Variants in DCDC2 observed in about 807,000 individuals in gnomAD.
DCDC2 encodes doublecortin domain-containing protein 2.
In DCDC2, 40 loss-of-function variants were observed where a neutral mutation model predicts 50.2. The observed-to-expected ratio is 0.80, with a 90% confidence interval of 0.62 to 1.04. The LOEUF (loss-of-function observed/expected upper bound fraction) is 1.04, where lower values mean the gene tolerates loss of function less well. Ranked by LOEUF, DCDC2 falls within the 50% of genes least tolerant of loss-of-function variation. DCDC2 has a pLI of 0.00. For synonymous variants in DCDC2, 234 were observed against 210.6 expected (o/e 1.11, Z -0.96); for missense variants, 570 against 581.9 (o/e 0.98, Z 0.21).
intron 7 of DCDC2, among the ~76,000 whole-genome samples, chr6:24,276,517 A>G (rs1006214299): frequency 1.3e-5 from 2 of 152,162 alleles, no homozygotes; most frequent in African/African-American, 4.8e-5. Context: ...CATTCACTCA[A>G]CATAATTATT....
chr6:24,299,625 T>C (rs1320238524), intron 4 of DCDC2, among the ~76,000 whole-genome samples: 1 of 152,214 alleles, frequency 6.6e-6, no homozygotes, highest in Non-Finnish European at 1.5e-5. Context: ...TAAAATAGAA[T>C]ACTTTGGGCC....
intron 2 of DCDC2, among the ~76,000 whole-genome samples, chr6:24,302,335 A>G (rs777628032): frequency 2.6e-5 from 4 of 151,704 alleles, no homozygotes; most frequent in African/African-American, 4.8e-5. Context: ...TTACGAAAAT[A>G]TTAAGATAAT....
intron 2 of DCDC2, among the ~76,000 whole-genome samples, chr6:24,303,127 C>A (rs1272896780): frequency 6.6e-6 from 1 of 151,884 alleles, no homozygotes; most frequent in Non-Finnish European, 1.5e-5. Context: ...CTACCTGGTG[C>A]CTTTAATTTT....
intron 7 of DCDC2, among the ~76,000 whole-genome samples, chr6:24,209,077 GA>G (rs1761796694): frequency 6.6e-6 from 1 of 152,134 alleles, no homozygotes; most frequent in Non-Finnish European, 1.5e-5. Context: ...AAAAGAATCC[GA>G]ATGATATAAT....
the DCDC2 span, among the ~76,000 whole-genome samples, chr6:24,381,692 T>G: frequency 6.6e-6 from 1 of 151,880 alleles, no homozygotes; most frequent in African/African-American, 2.4e-5. Flanking sequence ...TGCCTGTAAT[T>G]CCAGCAGTTT....
chr6:24,195,359 C>T (rs1761409552), intron 8 of DCDC2, among the ~76,000 whole-genome samples: 2 of 152,238 alleles, frequency 1.3e-5, no homozygotes, highest in South Asian at 4.1e-4. Flanking sequence ...AACCCAAACT[C>T]TTTTTTTCAA....
Position 24,343,133 on chromosome 6 carries a change from C to T in DCDC2, c.348+10436G>A, listed in dbSNP as rs150942577. The stretch of plus-strand genomic sequence containing the variant: ...TGTGATCTCAGCTCACTGCAAGCTC[C>T]GTCTCCCGGGTTCACACCATTCTCC... On this transcript the variant is annotated intron_variant, in intron 2 of 9. Coordinates refer to ENST00000378454, the MANE Select transcript of DCDC2 (RefSeq NM_016356.5). Among the ~76,000 whole-genome samples the T allele has an allele frequency of 2.1e-3, 315 of 151,452 alleles. 2 individuals are homozygous for T. The highest frequency in any genetic ancestry group is 7.2e-3 in the African/African-American group (295 of 41,202).
At chr6:24,224,570 GCTCAAAA>G (rs991494403) in intron 7 of DCDC2, among the ~76,000 whole-genome samples, 15 of 152,304 alleles carry the variant, frequency 9.8e-5, no homozygotes, top group Middle Eastern at 3.4e-3. Flanking sequence ...GTGCACTGGT[GCTCAAAA>G]CTCAAAACTG....
In DCDC2 at chr6:24,291,731, C is replaced by T. The variant is rs368261544; in HGVS notation, c.558-653G>A. 2.2e-3 allele frequency among the ~76,000 whole-genome samples: 340 copies of T among 152,006 alleles called. 2 individuals carry two copies. The highest frequency in any genetic ancestry group is 7.9e-3 in the African/African-American group (326 of 41,504). On this transcript the variant is annotated intron_variant, in intron 4 of 9. Coordinates refer to ENST00000378454, the MANE Select transcript of DCDC2 (RefSeq NM_016356.5). ...CGATCTCCTGACCTCGTGATCCGCC[C>T]GCCTCGGCCTCCCAAAGTGCTGGGA... is the stretch of plus-strand genomic sequence containing the variant.
intron 8 of DCDC2, among the ~76,000 whole-genome samples, chr6:24,198,130 A>G (rs1343427820): frequency 6.6e-6 from 1 of 152,230 alleles, no homozygotes; most frequent in East Asian, 1.9e-4. Flanking sequence ...CAATTCCTTT[A>G]TGAAAAACAA....
the DCDC2 span, among the ~76,000 whole-genome samples, chr6:24,380,021 C>T: frequency 2.8e-5 from 4 of 142,644 alleles, no homozygotes; most frequent in African/African-American, 1.1e-4. Context: ...AAGGGACCAT[C>T]ACACACTGGG....
chr6:24,376,288 A>C, the DCDC2 span, among the ~76,000 whole-genome samples: 1 of 152,314 alleles, frequency 6.6e-6, no homozygotes, highest in Non-Finnish European at 1.5e-5. Flanking sequence ...TGTATGTAAA[A>C]TGTAACATGG....
intron 2 of DCDC2, among the ~76,000 whole-genome samples, chr6:24,322,129 CT>C (rs1239156110): frequency 2.6e-5 from 4 of 151,958 alleles, no homozygotes; most frequent in Non-Finnish European, 4.4e-5. Flanking sequence ...TGGGAAAAGA[CT>C]TTTTTTTCAA....
intron 8 of DCDC2, among the ~76,000 whole-genome samples, chr6:24,184,352 A>G (rs2791968): frequency 0.97 from 147,706 of 152,110 alleles, 71,724 homozygotes; most frequent in East Asian, 1. Context: ...CAGGAGGATT[A>G]ACTGAGCTCG....
intron 7 of DCDC2, among the ~76,000 whole-genome samples, chr6:24,277,272 G>C (rs1581626735): frequency 5.7e-5 from 1 of 17,474 alleles, no homozygotes; most frequent in Non-Finnish European, 2.4e-4. Flanking sequence ...GGTGGGGTGT[G>C]GTGGGGTGGG....
intron 8 of DCDC2, among the ~76,000 whole-genome samples, chr6:24,198,263 A>G (rs1761490456): frequency 6.6e-6 from 1 of 152,210 alleles, no homozygotes. Context: ...TGAGATCAAC[A>G]CAGAAGGCCA....
intron 7 of DCDC2, among the ~76,000 whole-genome samples, chr6:24,233,781 T>C (rs530445120): frequency 1.3e-5 from 2 of 152,336 alleles, no homozygotes; most frequent in Admixed American, 1.3e-4. Context: ...ATATATAATA[T>C]TTGCATTTCA....
intron 6 of DCDC2, among the ~76,000 whole-genome samples, chr6:24,287,336 A>C (rs561002705): frequency 1.4e-5 from 2 of 143,580 alleles, no homozygotes; most frequent in South Asian, 4.8e-4. Flanking sequence ...CTTTGTTTGT[A>C]TTGTATTGTA....
Position 24,329,847 on chromosome 6 carries a change from T to C in DCDC2, c.348+23722A>G, listed in dbSNP as rs565207563. Among the ~76,000 whole-genome samples the C allele has an allele frequency of 1.8e-4, 28 of 152,304 alleles. 1 individual carries two copies. Among genetic ancestry groups the C allele is most frequent in the African/African-American group, 6.7e-4 (28 of 41,580 alleles). On this transcript the variant is annotated intron_variant, in intron 2 of 9. Transcript: ENST00000378454. ...AAGGGGGCAGGCAGGGAGAGGCTTG[T>C]GTTCAAATGCCCACACTGTGTTCCT...
Sources: gnomAD v4.1 joint callset for allele counts (sites outside exome capture counted in the v4.1 genomes callset) on GRCh38, gnomAD v4.1.1 for gene constraint, MANE v1.5 for transcripts, NCBI Gene and HGNC (gene_info 2026-07-23, HGNC 2026-07-21) for gene names.